The following CHD7 variants were observed in gnomAD, a reference collection of about 807,000 sequenced individuals.
CHD7 encodes ATP-dependent chromatin remodeler CHD7.
Under a neutral mutation model 307.3 loss-of-function variants are expected in CHD7, and 24 were observed. The observed-to-expected ratio is 0.08, with a 90% CI of 0.06 to 0.11. The LOEUF (loss-of-function observed/expected upper bound fraction) is 0.11, where lower values mean the gene tolerates loss of function less well. Among genes scored for constraint, CHD7 ranks in the 10% least tolerant of loss-of-function variants. CHD7 has a pLI of 1.00. For synonymous variants in CHD7, 1,363 were observed against 1,349.9 expected (o/e 1.01, Z -0.21); for missense variants, 3,106 against 3,727.1 (o/e 0.83, Z 4.34).
intron 1 of CHD7, among the ~76,000 whole-genome samples, chr8:60,711,440 T>G (rs1807276223): frequency 6.6e-6 from 1 of 152,214 alleles, no homozygotes; most frequent in African/African-American, 2.4e-5. Context: ...AAATTGTCCC[T>G]GTCTTTTCTG....
chr8:60,775,571 A>G (rs752577981), intron 2 of CHD7, among the ~76,000 whole-genome samples: 8 of 152,228 alleles, frequency 5.3e-5, no homozygotes, highest in Non-Finnish European at 8.8e-5. Context: ...TTGCCATGCT[A>G]TCACTATATC....
chr8:60,697,452 A>G (rs928615772), intron 1 of CHD7, among the ~76,000 whole-genome samples: 12 of 152,232 alleles, frequency 7.9e-5, no homozygotes, highest in African/African-American at 2.9e-4. Flanking sequence ...AGAGGAGGAT[A>G]AGAAAAGGAA....
intron 7 of CHD7, among the ~76,000 whole-genome samples, chr8:60,810,663 AG>A: frequency 6.6e-6 from 1 of 152,242 alleles, no homozygotes; most frequent in Non-Finnish European, 1.5e-5. Flanking sequence ...CAGAGTTACT[AG>A]CCCATATTTC....
intron 6 of CHD7, 142 bp downstream of exon 6, chr8:60,801,735 C>A: frequency 1.6e-6 from 1 of 614,302 alleles, no homozygotes; most frequent in Non-Finnish European, 2.8e-6. Flanking sequence ...ATTTATTAAC[C>A]CAATATGAAT....
intron 2 of CHD7, among the ~76,000 whole-genome samples, chr8:60,776,112 C>T (rs1026912386): frequency 6.6e-6 from 1 of 152,140 alleles, no homozygotes; most frequent in Admixed American, 6.5e-5. Flanking sequence ...TTATGTGACA[C>T]ATTTGAATAT....
At chr8:60,803,783 T>C (rs1314268911) in intron 6 of CHD7, among the ~76,000 whole-genome samples, 1 of 152,256 alleles carries the variant, frequency 6.6e-6, no homozygotes, top group Non-Finnish European at 1.5e-5. Context: ...TTATCACCTT[T>C]AATAACATTG....
chr8:60,721,365 A>G (rs906866024), intron 1 of CHD7, among the ~76,000 whole-genome samples: 3 of 152,204 alleles, frequency 2.0e-5, no homozygotes, highest in East Asian at 1.9e-4. Context: ...GTGGCTGCCT[A>G]TAAGCCAAGA....
chr8:60,837,126 C>T, intron 17 of CHD7, 114 bp downstream of exon 17: 1 of 818,276 alleles, frequency 1.2e-6, no homozygotes, highest in Non-Finnish European at 1.9e-6. Context: ...CAGGCTGTGT[C>T]CTATGATTCA....
chr8:60,829,967 CAG>C (rs1804426884), intron 14 of CHD7, among the ~76,000 whole-genome samples: 1 of 152,152 alleles, frequency 6.6e-6, no homozygotes, highest in Admixed American at 6.5e-5. Flanking sequence ...AGAATAGAAA[CAG>C]AGCATTGCCA....
chr8:60,782,845 T>C (rs1003561893), intron 3 of CHD7, among the ~76,000 whole-genome samples: 1 of 152,232 alleles, frequency 6.6e-6, no homozygotes, highest in Non-Finnish European at 1.5e-5. Flanking sequence ...AGTGTGACTT[T>C]ATGAGGTAGT....
chr8:60,714,796 T>C (rs139566435), intron 1 of CHD7, among the ~76,000 whole-genome samples: 2 of 152,320 alleles, frequency 1.3e-5, no homozygotes, highest in Non-Finnish European at 2.9e-5. Context: ...TGTTTTGCCT[T>C]CGTAGCCCAC....
chr8:60,833,427 G>A (rs943736091), intron 15 of CHD7, among the ~76,000 whole-genome samples: 15 of 152,242 alleles, frequency 9.9e-5, no homozygotes, highest in African/African-American at 2.9e-4. Context: ...GTTTGAGGCA[G>A]GAGGCGTGTA....
chr8:60,856,501 C>A lies in CHD7; in HGVS notation c.7221C>A (p.Ile2407=). The A allele has an allele frequency of 1.9e-6, 3 of 1,613,698 alleles. No individual in the cohort carries two copies. The highest frequency in any genetic ancestry group is 1.6e-4 in the Middle Eastern group (1 of 6,062). The change falls in exon 34 of 38, where the codon ATC becomes ATA. Residue 2407 remains isoleucine (I), a synonymous_variant. Coordinates refer to ENST00000423902, the MANE Select transcript of CHD7 (RefSeq NM_017780.4). The part of the protein sequence containing the change: ...PRQRRRRRRK[I]EIEAERAAKR... ...AGCGGAGGAGGAGGAGGAGAAAAAT[C>A]GAAATTGAGGCCGAAAGAGCTGCCA...
At chr8:60,855,445 G>A (rs1428358477) in intron 32 of CHD7, among the ~76,000 whole-genome samples, 2 of 152,194 alleles carry the variant, frequency 1.3e-5, no homozygotes, top group Non-Finnish European at 2.9e-5. Context: ...GGTAGGGAAT[G>A]CAAATTGACA....
intron 13 of CHD7, among the ~76,000 whole-genome samples, chr8:60,827,527 C>T (rs1804308614): frequency 6.6e-6 from 1 of 152,038 alleles, no homozygotes; most frequent in African/African-American, 2.4e-5. Context: ...CCCAGGCTAT[C>T]CACAAGTGTG....
intron 31 of CHD7, 40 bp from the exon 32 acceptor site, chr8:60,854,321 GAT>G (rs1466134087): frequency 6.3e-7 from 1 of 1,584,202 alleles, no homozygotes; most frequent in Admixed American, 1.7e-5. Context: ...CAGTTTCCCT[GAT>G]ACTGTGGTTG....
intron 8 of CHD7, 148 bp from the exon 9 acceptor site, chr8:60,819,859 G>A: frequency 1.7e-6 from 1 of 593,012 alleles, no homozygotes; most frequent in Middle Eastern, 4.4e-4. Flanking sequence ...TTGCTAAATT[G>A]TAGCATTTCA....
chr8:60,796,310 C>T (rs1051514493), intron 4 of CHD7, among the ~76,000 whole-genome samples: 1 of 152,146 alleles, frequency 6.6e-6, no homozygotes, highest in Non-Finnish European at 1.5e-5. Context: ...TTTTTAATTG[C>T]GTAGGCTGTT....
At chr8:60,696,955 T>A (rs1045734387) in intron 1 of CHD7, among the ~76,000 whole-genome samples, 8 of 152,192 alleles carry the variant, frequency 5.3e-5, no homozygotes, top group African/African-American at 1.4e-4. Flanking sequence ...ACTTTTTTTT[T>A]AAAGTTTCCT....
Sources: allele counts gnomAD v4.1 joint callset (sites outside exome capture counted in the v4.1 genomes callset), GRCh38; gene constraint gnomAD v4.1.1; transcripts MANE v1.5; gene names NCBI Gene and HGNC (gene_info 2026-07-23, HGNC 2026-07-21).